MS4A4A: variants seen among roughly 807,000 people sequenced by gnomAD.
MS4A4A encodes the protein membrane-spanning 4-domains subfamily A member 4A.
A neutral mutation model predicts 28.0 loss-of-function variants in MS4A4A; 26 were observed. The observed-to-expected ratio is 0.93, with a 90% CI of 0.68 to 1.29. The LOEUF is 1.29. Ranked by LOEUF, MS4A4A falls within the 50% of genes most tolerant of loss-of-function variation. The pLI is 0.00. For synonymous variants in MS4A4A, 86 were observed against 100.8 expected (o/e 0.85, Z 0.88); for missense variants, 290 against 293.1 (o/e 0.99, Z 0.08).
At chr11:60,307,541 G>A (rs1344224972) in intron 6 of MS4A4A, among the ~76,000 whole-genome samples, 2 of 152,096 alleles carry the variant, frequency 1.3e-5, no homozygotes, top group South Asian at 2.1e-4. Context: ...ATAGGTGCTG[G>A]GGAATGTTGT....
chr11:60,281,371 A>C (rs977011528), intron 1 of MS4A4A, among the ~76,000 whole-genome samples: 16 of 152,220 alleles, frequency 1.1e-4, no homozygotes, highest in African/African-American at 3.6e-4. Flanking sequence ...TGGCCATTGT[A>C]ATCTTTCCCC....
chr11:60,283,975 T>C (rs1306597631), intron 1 of MS4A4A, among the ~76,000 whole-genome samples: 1 of 152,248 alleles, frequency 6.6e-6, no homozygotes, highest in Non-Finnish European at 1.5e-5. Context: ...GTTATCTAAC[T>C]TATTCCAAAT....
chr11:60,281,478 A>C (rs1257712434), intron 1 of MS4A4A, among the ~76,000 whole-genome samples: 1 of 151,692 alleles, frequency 6.6e-6, no homozygotes, highest in Non-Finnish European at 1.5e-5. Flanking sequence ...AAAAACAAAA[A>C]CAGAATTCTT....
At chr11:60,291,453 C>T (rs2084854969) in intron 1 of MS4A4A, among the ~76,000 whole-genome samples, 3 of 152,236 alleles carry the variant, frequency 2.0e-5, no homozygotes, top group South Asian at 4.1e-4. Flanking sequence ...CTATGCAATA[C>T]TATACAATAA....
intron 5 of MS4A4A, among the ~76,000 whole-genome samples, chr11:60,305,318 T>G (rs1354467671): frequency 6.6e-6 from 1 of 152,228 alleles, no homozygotes; most frequent in Admixed American, 6.5e-5. Flanking sequence ...TTGGTTATCT[T>G]ATGTTTCTGG....
intron 3 of MS4A4A, among the ~76,000 whole-genome samples, chr11:60,299,871 T>A (rs2084937231): frequency 6.6e-6 from 1 of 151,890 alleles, no homozygotes; most frequent in South Asian, 2.1e-4. Context: ...AGCATGTAAT[T>A]TTTTTCTTAA....
intron 1 of MS4A4A, among the ~76,000 whole-genome samples, chr11:60,283,472 T>G (rs995734238): frequency 2.0e-5 from 3 of 152,132 alleles, no homozygotes; most frequent in Admixed American, 6.5e-5. Flanking sequence ...CTGTTCCCTT[T>G]AGCTCTTGCC....
intron 2 of MS4A4A, among the ~76,000 whole-genome samples, chr11:60,294,073 A>G (rs1243298786): frequency 6.6e-6 from 1 of 152,236 alleles, no homozygotes; most frequent in Non-Finnish European, 1.5e-5. Context: ...GAAGATTTCA[A>G]TCAACAGTCA....
Position 60,308,262 on chromosome 11 carries a change from T to G in MS4A4A, c.*84T>G. ...AGCCTCACATGAGAAATTACCAGTA[T>G]CCAACTTCGATACTGATAGACTTGT... On this transcript the variant is annotated 3_prime_UTR_variant, in exon 7 of 7. Transcript: ENST00000337908. 1 of 1,270,662 alleles carries G rather than the reference T, an allele frequency of 7.9e-7. No homozygotes were observed. Among genetic ancestry groups the G allele is most frequent in the Non-Finnish European group, 1.1e-6 (1 of 873,794 alleles). 78.7% of individuals were successfully genotyped at this position (1,270,662 alleles called of 1,614,324 possible). A position where few individuals can be genotyped will look rare whatever the true frequency, so the allele number is the denominator to read the frequency against.
intron 2 of MS4A4A, chr11:60,296,913 G>T (rs992234550): frequency 1.2e-5 from 4 of 336,924 alleles, no homozygotes; most frequent in Non-Finnish European, 2.2e-5. Context: ...AAATAATTGT[G>T]GTAGAAGTAA....
chr11:60,290,374 T>C (rs960360557), intron 1 of MS4A4A: 10 of 153,090 alleles, frequency 6.5e-5, no homozygotes, highest in African/African-American at 2.4e-4. Flanking sequence ...CATGTAATCT[T>C]TGTTTCTAAC....
At chr11:60,296,754 C>T (rs1339834683) in intron 2 of MS4A4A, 1 of 217,274 alleles carries the variant, frequency 4.6e-6, no homozygotes, top group Non-Finnish European at 9.1e-6. Context: ...CTTGTGTCCT[C>T]ATACCCCAGA....
At chr11:60,282,255 G>A (rs1326680326) in intron 1 of MS4A4A, among the ~76,000 whole-genome samples, 1 of 152,204 alleles carries the variant, frequency 6.6e-6, no homozygotes, top group African/African-American at 2.4e-5. Context: ...CAGTGCGTTT[G>A]ATAAGACAGA....
intron 3 of MS4A4A, among the ~76,000 whole-genome samples, chr11:60,299,013 A>T (rs1200257550): frequency 6.6e-6 from 1 of 152,124 alleles, no homozygotes; most frequent in Non-Finnish European, 1.5e-5. Context: ...TATGTTTCAC[A>T]TTCCTTGTTT....
intron 4 of MS4A4A, 72 bp downstream of exon 4, chr11:60,301,129 A>G (rs2084949873): frequency 8.3e-7 from 1 of 1,207,880 alleles, no homozygotes; most frequent in Non-Finnish European, 1.2e-6. Context: ...GCCAGGGTGT[A>G]AAACAGGTTT....
In MS4A4A at chr11:60,290,956, C is replaced by T. The variant is rs543955866; in HGVS notation, c.42-1269C>T. Reference sequence around the variant, plus strand: ...CAATAAAAGGGCACACATCTCAAAACGAGACTTTTATAGGGGCTCAGTGGA... The same window carrying T: ...CAATAAAAGGGCACACATCTCAAAATGAGACTTTTATAGGGGCTCAGTGGA... On this transcript the variant is annotated intron_variant, in intron 1 of 6. Coordinates refer to ENST00000337908, the MANE Select transcript of MS4A4A (RefSeq NM_148975.3). Among the ~76,000 whole-genome samples, 7 of 151,892 alleles carry T rather than the reference C, an allele frequency of 4.6e-5. No homozygotes were observed. In the East Asian group the frequency reaches 5.8e-4, roughly 13 times the overall value.
At chr11:60,299,771 T>C (rs1230528629) in intron 3 of MS4A4A, among the ~76,000 whole-genome samples, 6 of 152,232 alleles carry the variant, frequency 3.9e-5, no homozygotes, top group African/African-American at 1.4e-4. Context: ...AATAATTCTT[T>C]ATATTTTACC....
In MS4A4A at chr11:60,306,161, C is replaced by T. The variant is rs1477263653; in HGVS notation, c.608C>T (p.Ser203Phe). The T allele has an allele frequency of 1.2e-6, 2 of 1,613,998 alleles. No individual in the cohort carries two copies. Among genetic ancestry groups the T allele is most frequent in the African/African-American group, 1.3e-5 (1 of 74,940 alleles). The change falls in exon 6 of 7, where the codon TCT becomes TTT. Residue 203 changes from serine (S) to phenylalanine (F), a missense_variant. Physicochemically the swap from Ser to Phe is radical, Grantham distance 155. Coordinates refer to ENST00000337908, the MANE Select transcript of MS4A4A (RefSeq NM_148975.3). ...GAATTCTGCATTGCTGTGTCCCTCT[C>T]TGCCTTTGGATGTAAAGTGCTCTGT... ...VLEFCIAVSLSAFGCKVLCCT... is the reference protein window; with the variant it reads ...VLEFCIAVSLFAFGCKVLCCT...
chr11:60,289,223 A>C (rs995146261), intron 1 of MS4A4A, among the ~76,000 whole-genome samples: 1 of 152,170 alleles, frequency 6.6e-6, no homozygotes, highest in African/African-American at 2.4e-5. Context: ...TGTCAGCACC[A>C]CCTCTGGGAT....
Sources: gnomAD v4.1 joint callset for allele counts (sites outside exome capture counted in the v4.1 genomes callset) on GRCh38, gnomAD v4.1.1 for gene constraint, MANE v1.5 for transcripts, NCBI Gene and HGNC (gene_info 2026-07-23, HGNC 2026-07-21) for gene names.